The following SNRNP40 variants were observed in gnomAD, a reference collection of about 807,000 sequenced individuals.
SNRNP40 encodes the protein small nuclear ribonucleoprotein U5 subunit 40.
Under a neutral mutation model 45.8 loss-of-function variants are expected in SNRNP40, and 21 were observed. That is an observed-to-expected ratio of 0.46 (90% confidence interval 0.32 to 0.66). The LOEUF (loss-of-function observed/expected upper bound fraction) is 0.66. Ranked by LOEUF, SNRNP40 falls within the 30% of genes least tolerant of loss-of-function variation. The probability of loss-of-function intolerance (pLI) is 0.03; values close to 1 mark genes in which losing one functional copy is unlikely to be tolerated. For synonymous variants in SNRNP40, 142 were observed against 163.8 expected (o/e 0.87, Z 1.01); for missense variants, 344 against 439.1 (o/e 0.78, Z 1.94).
chr1:31,288,231 T>C (rs1453543053), intron 4 of SNRNP40, among the ~76,000 whole-genome samples: 1 of 152,160 alleles, frequency 6.6e-6, no homozygotes, highest in African/African-American at 2.4e-5. Context: ...GGGGTGTAGT[T>C]TCCCAGATGT....
chr1:31,276,687 A>C (rs7542403), intron 5 of SNRNP40, among the ~76,000 whole-genome samples: 21,367 of 151,854 alleles, frequency 0.14, 1,643 homozygotes, highest in African/African-American at 0.17. Flanking sequence ...GGAGTTCGAG[A>C]CCAGCCTGGG....
At chr1:31,264,176 C>A (rs1645880699) in intron 8 of SNRNP40, among the ~76,000 whole-genome samples, 1 of 152,166 alleles carries the variant, frequency 6.6e-6, no homozygotes, top group Non-Finnish European at 1.5e-5. Context: ...ATCCAACTTA[C>A]ACTTTTGGTC....
At chr1:31,260,681 G>C (rs914086733) in intron 9 of SNRNP40, among the ~76,000 whole-genome samples, 1 of 151,464 alleles carries the variant, frequency 6.6e-6, no homozygotes, top group African/African-American at 2.4e-5. Flanking sequence ...GGCCAACATG[G>C]TGAAACCTCG....
At chr1:31,288,216 G>A (rs1380124717) in intron 4 of SNRNP40, among the ~76,000 whole-genome samples, 1 of 151,344 alleles carries the variant, frequency 6.6e-6, no homozygotes, top group Admixed American at 6.6e-5. Context: ...GCAATAAGAA[G>A]TATGGGGGTG....
In SNRNP40 at chr1:31,271,180, A is replaced by G. The variant is rs917263794; in HGVS notation, c.775+199T>C. ...GTCCAATCTTCTTATCAATGTAGAA[A>G]CTGATGCCTAGAGAGAAGAAATGCT... is the stretch of plus-strand genomic sequence containing the variant. On this transcript the variant is annotated intron_variant, in intron 6 of 9. Transcript: ENST00000263694. 28 of 505,762 alleles carry G rather than the reference A, an allele frequency of 5.5e-5. No individual in the cohort carries two copies. In the East Asian group the frequency reaches 9.0e-4, roughly 16 times the overall value. The allele number at this position is 505,762 out of a possible 1,614,324, so 31.3% of individuals were successfully genotyped here.
At chr1:31,260,225 G>A in intron 9 of SNRNP40, 104 bp from the exon 10 acceptor site, 2 of 724,148 alleles carry the variant, frequency 2.8e-6, no homozygotes, top group Non-Finnish European at 2.3e-6. Context: ...AAGAGCAATT[G>A]GACTTAGCTT....
rs142196444 is a variant in SNRNP40 at position 31,281,840 on chromosome 1, G to A, written c.532-344C>T. ...GGATATCAGACAATTTTTTCAAACC[G>A]TAGAGACTAATTCATTAGTAGGCTG... On this transcript the variant is annotated intron_variant, in intron 4 of 9. Transcript: ENST00000263694. The A allele has an allele frequency of 2.5e-3, 424 of 168,510 alleles. 3 individuals carry two copies. The highest frequency in any genetic ancestry group is 9.7e-3 in the African/African-American group (409 of 42,122). The allele number at this position is 168,510 out of a possible 1,614,324, so 10.4% of individuals were successfully genotyped here.
intron 8 of SNRNP40, among the ~76,000 whole-genome samples, chr1:31,263,862 T>C (rs1645877708): frequency 6.7e-6 from 1 of 150,280 alleles, no homozygotes; most frequent in African/African-American, 2.5e-5. Flanking sequence ...TCTGGAGCTC[T>C]TAATATACTC....
At chr1:31,282,121 T>G (rs527710770) in intron 4 of SNRNP40, 1 of 152,298 alleles carries the variant, frequency 6.6e-6, no homozygotes, top group South Asian at 2.1e-4. Flanking sequence ...TGTCTCCTGC[T>G]CAGCAACAGC....
At chr1:31,285,828 T>C (rs1240227442) in intron 4 of SNRNP40, among the ~76,000 whole-genome samples, 1 of 152,220 alleles carries the variant, frequency 6.6e-6, no homozygotes, top group Non-Finnish European at 1.5e-5. Context: ...TGTCTTATGT[T>C]TCCTCTTGAT....
At chr1:31,282,072 A>T (rs1220863421) in intron 4 of SNRNP40, 1 of 152,414 alleles carries the variant, frequency 6.6e-6, no homozygotes, top group Non-Finnish European at 1.5e-5. Context: ...CCTGAGTCCC[A>T]GTAAAAGGGC....
chr1:31,285,313 C>T lies in SNRNP40; in HGVS notation c.532-3817G>A, dbSNP rs151195696. On this transcript the variant is annotated intron_variant, in intron 4 of 9. Coordinates refer to ENST00000263694, the MANE Select transcript of SNRNP40 (RefSeq NM_004814.3). ...TTCTGGAGTGCAGTGGCGTGATCTC[C>T]GCTCACTGCAACCTCCACCTCCCGG... is the stretch of plus-strand genomic sequence containing the variant. 4.7e-4 allele frequency among the ~76,000 whole-genome samples: 70 copies of T among 149,254 alleles called. No individual in the cohort carries two copies. The East Asian group carries it at 0.012, about 26-fold the overall frequency.
At chr1:31,288,952 T>TG (rs1184214988) in intron 4 of SNRNP40, among the ~76,000 whole-genome samples, 1 of 152,164 alleles carries the variant, frequency 6.6e-6, no homozygotes, top group Non-Finnish European at 1.5e-5. Flanking sequence ...AGGATGGTCT[T>TG]GATCTCTTGA....
rs565945202 is a variant in SNRNP40, at chr1:31,277,653, C to T, written c.654+3721G>A. ...AAATTCCCCGAAAATGAAGCATTGG[C>T]AGAAAAATTTGAATGTTTGTGGACG... On this transcript the variant is annotated intron_variant, in intron 5 of 9. Coordinates refer to ENST00000263694, the MANE Select transcript of SNRNP40 (RefSeq NM_004814.3). Among the ~76,000 whole-genome samples the T allele has an allele frequency of 1.9e-3, 283 of 152,140 alleles. 1 individual carries two copies. The highest frequency in any genetic ancestry group is 6.8e-3 in the Middle Eastern group (2 of 294).
intron 8 of SNRNP40, among the ~76,000 whole-genome samples, chr1:31,264,823 C>A (rs1283168624): frequency 6.6e-6 from 1 of 152,056 alleles, no homozygotes; most frequent in East Asian, 1.9e-4. Flanking sequence ...AAATCCAGGC[C>A]AAGCTGAAAA....
At chr1:31,263,913 TAAAAA>T (rs11419603) in intron 8 of SNRNP40, among the ~76,000 whole-genome samples, 23 of 106,994 alleles carry the variant, frequency 2.1e-4, no homozygotes, top group Non-Finnish European at 3.2e-4. Flanking sequence ...ATGTACTGGC[TAAAAA>T]AAAAAAAAAA....
intron 5 of SNRNP40, among the ~76,000 whole-genome samples, chr1:31,272,357 A>G (rs922387968): frequency 1.3e-5 from 2 of 152,238 alleles, no homozygotes; most frequent in Non-Finnish European, 2.9e-5. Context: ...TTGCTTGTAT[A>G]GGAAACGTAA....
intron 1 of SNRNP40, among the ~76,000 whole-genome samples, chr1:31,294,161 T>C (rs983963494): frequency 6.6e-6 from 1 of 152,120 alleles, no homozygotes; most frequent in Non-Finnish European, 1.5e-5. Flanking sequence ...TTTCACCATG[T>C]TGGCCAGGCT....
chr1:31,266,206 G>A (rs575784667), intron 8 of SNRNP40, among the ~76,000 whole-genome samples: 4 of 152,152 alleles, frequency 2.6e-5, no homozygotes, highest in Non-Finnish European at 5.9e-5. Context: ...ACAGATCACA[G>A]TGCAGCTTCT....
Sources: gnomAD v4.1 joint callset for allele counts (sites outside exome capture counted in the v4.1 genomes callset) on GRCh38, gnomAD v4.1.1 for gene constraint, MANE v1.5 for transcripts, NCBI Gene and HGNC (gene_info 2026-07-23, HGNC 2026-07-21) for gene names.